Variants in OAS1 observed in about 807,000 individuals in gnomAD.
OAS1 encodes 2'-5'-oligoadenylate synthetase 1, also known as 2'-5'-oligoadenylate synthase 1.
In OAS1, 24 loss-of-function variants were observed where a neutral mutation model predicts 38.5. The observed-to-expected ratio is 0.62, with a 90% confidence interval of 0.45 to 0.88. The LOEUF is 0.88. Ranked by LOEUF, OAS1 falls within the 40% of genes least tolerant of loss-of-function variation. The pLI, the probability that OAS1 is intolerant of heterozygous loss-of-function variation, is 0.00. For synonymous variants in OAS1, 169 were observed against 193.9 expected, an observed-to-expected ratio of 0.87 and a Z score of 1.07; for missense variants, 482 against 493.9, an observed-to-expected ratio of 0.98 and a Z score of 0.23.
chr12:112,907,110 C>T lies in OAS1; in HGVS notation c.71C>T (p.Thr24Met), dbSNP rs781015631. The change falls in exon 1 of 6, where the codon ACG becomes ATG. Residue 24 changes from threonine to methionine, a missense_variant. By Grantham distance (81) the Thr-to-Met change is moderately conservative (BLOSUM62 -1). Transcript: ENST00000202917. ...KFIEDYLLPDTCFRMQINHAI... is the reference protein window; with the variant it reads ...KFIEDYLLPDMCFRMQINHAI... ...ATTGAAGACTATCTCTTGCCAGACA[C>T]GTGTTTCCGCATGCAAATCAACCAT... The T allele has an allele frequency of 1.1e-5, 17 of 1,614,092 alleles. No homozygotes were observed. The highest frequency in any genetic ancestry group is 4.0e-5 in the African/African-American group (3 of 74,938).
intron 3 of OAS1, among the ~76,000 whole-genome samples, chr12:112,916,171 A>G (rs987581243): frequency 6.6e-6 from 1 of 152,224 alleles, no homozygotes; most frequent in Non-Finnish European, 1.5e-5. Context: ...AGTCTAAGTC[A>G]TCTACTTAGA....
chr12:112,924,732 T>C (rs187714957), downstream of OAS1, among the ~76,000 whole-genome samples: 1 of 152,284 alleles, frequency 6.6e-6, no homozygotes, highest in East Asian at 1.9e-4. Context: ...GCATTATAGG[T>C]GATCTTTATA....
At chr12:112,907,973 C>A (rs2043319118) in intron 1 of OAS1, among the ~76,000 whole-genome samples, 2 of 152,216 alleles carry the variant, frequency 1.3e-5, no homozygotes, top group Non-Finnish European at 2.9e-5. Flanking sequence ...CTTCCCTTAC[C>A]TTATGCAGCT....
At chr12:112,931,266 C>T (rs1198937985) in intron 6 of OAS1, among the ~76,000 whole-genome samples, 3 of 152,186 alleles carry the variant, frequency 2.0e-5, no homozygotes, top group Non-Finnish European at 4.4e-5. Context: ...ATTTTATTCT[C>T]ACATCACAAC....
At chr12:112,922,401 A>T (rs570116955), downstream of OAS1, among the ~76,000 whole-genome samples, 1 of 152,186 alleles carries the variant, frequency 6.6e-6, no homozygotes, top group South Asian at 2.1e-4. Flanking sequence ...CCCTTTCAAG[A>T]TACTCATCCA....
At chr12:112,914,728 TTG>T (rs1483206982) in intron 3 of OAS1, among the ~76,000 whole-genome samples, 142 of 124,800 alleles carry the variant, frequency 1.1e-3, no homozygotes, top group African/African-American at 4.8e-3. Flanking sequence ...TTGTTGGTAT[TTG>T]TTTTTTTTTT....
chr12:112,926,854 A>T (rs552845573), intron 6 of OAS1, among the ~76,000 whole-genome samples: 2 of 152,276 alleles, frequency 1.3e-5, no homozygotes, highest in Admixed American at 6.5e-5. Context: ...CTGCAACTGG[A>T]TAAGGCAGAC....
rs142809544 is a variant in OAS1 at position 112,908,580 on chromosome 12, C to A, written c.225C>A (p.Asp75Glu). 1.9e-6 allele frequency: 3 copies of A among 1,614,184 alleles called. No individual in the cohort carries two copies. Among genetic ancestry groups the A allele is most frequent in the Middle Eastern group, 1.7e-4 (1 of 6,060 alleles). ...GKGTTLRGRS[D>E]ADLVVFLSPL... ...GCACCACCCTCAGAGGCCGATCTGACGCTGACCTGGTTGTCTTCCTCAGTC... is the reference window on the plus strand; with the variant it reads ...GCACCACCCTCAGAGGCCGATCTGAAGCTGACCTGGTTGTCTTCCTCAGTC... The change falls in exon 2 of 6, where the codon GAC (aspartate) becomes GAA (glutamate). Residue 75 changes from aspartate (D) to glutamate (E), a missense_variant. Physicochemically the swap from Asp to Glu is conservative, Grantham distance 45. Transcript: ENST00000202917.
intron 6 of OAS1, among the ~76,000 whole-genome samples, chr12:112,930,490 G>GGGC (rs1212834147): frequency 9.2e-5 from 14 of 152,208 alleles, no homozygotes; most frequent in African/African-American, 2.9e-4. Context: ...CTGCGGAGCT[G>GGGC]GGCACTTGGG....
chr12:112,916,233 G>A (rs766108384), intron 3 of OAS1, among the ~76,000 whole-genome samples: 23 of 152,238 alleles, frequency 1.5e-4, no homozygotes, highest in Admixed American at 1.1e-3. Flanking sequence ...AGAATCCAGC[G>A]CTCTTAACAA....
intron 5 of OAS1, chr12:112,918,196 C>G (rs2043490374): frequency 5.2e-6 from 1 of 191,102 alleles, no homozygotes; most frequent in Non-Finnish European, 1.1e-5. Context: ...TTGCCTTTCT[C>G]CCTTCCTCCT....
At chr12:112,910,641 G>C (rs1368949438) in intron 2 of OAS1, among the ~76,000 whole-genome samples, 1 of 152,070 alleles carries the variant, frequency 6.6e-6, no homozygotes, top group Non-Finnish European at 1.5e-5. Flanking sequence ...GTAGAAAGTG[G>C]GCAAAGGAAG....
intron 6 of OAS1, among the ~76,000 whole-genome samples, chr12:112,926,748 G>A (rs2043560888): frequency 6.6e-6 from 1 of 152,194 alleles, no homozygotes; most frequent in Non-Finnish European, 1.5e-5. Flanking sequence ...TTCAAGAGCA[G>A]AGAACCAGTC....
In OAS1 at chr12:112,908,687, G is replaced by C; in HGVS notation, c.332G>C (p.Arg111Thr). The C allele has an allele frequency of 6.2e-7, 1 of 1,614,198 alleles. No individual in the cohort carries two copies. Among genetic ancestry groups the C allele is most frequent in the Non-Finnish European group, 8.5e-7 (1 of 1,180,030 alleles). ...EIRRQLEACQRERAFSVKFEV... is the reference protein window; with the variant it reads ...EIRRQLEACQTERAFSVKFEV... ...AGGAGACAGCTGGAAGCCTGTCAAA[G>C]AGAGAGAGCATTTTCCGTGAAGTTT... is the stretch of plus-strand genomic sequence containing the variant. Residue 111 changes from arginine (R) to threonine (T), a missense_variant, in exon 2 of 6, where the codon AGA becomes ACA. Physicochemically the swap from Arg to Thr is moderately conservative, Grantham distance 71. Coordinates refer to ENST00000202917, the MANE Select transcript of OAS1 (RefSeq NM_016816.4).
intron 6 of OAS1, among the ~76,000 whole-genome samples, chr12:112,929,647 A>T (rs1297763440): frequency 3.3e-5 from 5 of 152,212 alleles, no homozygotes; most frequent in Admixed American, 2.6e-4. Flanking sequence ...TGCTATTAAC[A>T]TCTTTATTTT....
intron 6 of OAS1, chr12:112,931,866 CT>C: frequency 1.4e-6 from 1 of 698,514 alleles, no homozygotes; most frequent in Admixed American, 2.0e-5. Flanking sequence ...ACACTCCTTT[CT>C]TCATTTTCAG....
At chr12:112,910,526 G>A (rs1306007122) in intron 2 of OAS1, among the ~76,000 whole-genome samples, 3 of 152,080 alleles carry the variant, frequency 2.0e-5, no homozygotes, top group Non-Finnish European at 4.4e-5. Flanking sequence ...GAAGGAGTGA[G>A]CCTTGGGGAG....
intron 1 of OAS1, chr12:112,907,849 A>C (rs2043317500): frequency 6.6e-6 from 1 of 152,494 alleles, no homozygotes; most frequent in Non-Finnish European, 1.5e-5. Flanking sequence ...TCCACTGTGG[A>C]GAGGGAAGTC....
chr12:112,917,596 G>T lies in OAS1; in HGVS notation c.934G>T (p.Asp312Tyr). 6.2e-7 allele frequency: 1 copy of T among 1,614,196 alleles called. No individual in the cohort carries two copies. Among genetic ancestry groups the T allele is most frequent in the Non-Finnish European group, 8.5e-7 (1 of 1,180,026 alleles). The change falls in exon 5 of 6, where the codon GAC becomes TAC. Residue 312 changes from aspartate to tyrosine, a missense_variant. Asp to Tyr is a radical substitution (Grantham distance 160). Transcript: ENST00000202917. ...CCCTACAGGAAACTTGGGTGGTGGAGACCCAAAGGGTTGGAGGCAGCTGGC... is the reference window on the plus strand; with the variant it reads ...CCCTACAGGAAACTTGGGTGGTGGATACCCAAAGGGTTGGAGGCAGCTGGC... ...ADPTGNLGGG[D>Y]PKGWRQLAQE...
Sources: gnomAD v4.1 joint callset for allele counts (sites outside exome capture counted in the v4.1 genomes callset) on GRCh38, gnomAD v4.1.1 for gene constraint, MANE v1.5 for transcripts, NCBI Gene and HGNC (gene_info 2026-07-23, HGNC 2026-07-21) for gene names.